The following EVC variants were observed in gnomAD, a reference collection of about 807,000 sequenced individuals.
EVC encodes evC complex member EVC.
A neutral mutation model predicts 118.9 loss-of-function variants in EVC; 116 were observed. The observed-to-expected ratio is 0.98, with a 90% CI of 0.84 to 1.14. The LOEUF is 1.14. EVC is among the 50% of genes most tolerant of loss of function. The probability of loss-of-function intolerance (pLI) is 0.00; values close to 1 mark genes in which losing one functional copy is unlikely to be tolerated. For synonymous variants in EVC, 619 were observed against 534.7 expected, an observed-to-expected ratio of 1.16 and a Z score of -2.18; for missense variants, 1,401 against 1,246.4, an observed-to-expected ratio of 1.12 and a Z score of -1.87.
intron 11 of EVC, among the ~76,000 whole-genome samples, chr4:5,758,536 G>A (rs1375611894): frequency 1.3e-5 from 2 of 152,174 alleles, no homozygotes; most frequent in Non-Finnish European, 2.9e-5. Flanking sequence ...AAGCCCTGGG[G>A]CCCACAGACA....
Position 5,738,179 on chromosome 4 carries a change from A to T in EVC, c.703-3537A>T, listed in dbSNP as rs1431359316. 6.6e-6 allele frequency among the ~76,000 whole-genome samples: 1 copy of T among 152,222 alleles called. No homozygotes were observed. The highest frequency in any genetic ancestry group is 2.4e-5 in the African/African-American group (1 of 41,458). The stretch of plus-strand genomic sequence containing the variant: ...AAACTAGGATTAGAATTGGAGCCTG[A>T]AGATGGGACTGAGCTGCTGCAATCT... On this transcript the variant is annotated intron_variant, in intron 5 of 20. Coordinates refer to ENST00000264956, the MANE Select transcript of EVC (RefSeq NM_153717.3). This position sits in a 1 kb window ranked among gnomAD's most constrained non-coding sequence, Gnocchi z 6.5.
At chr4:5,816,160 C>T (rs767788679), downstream of EVC, among the ~76,000 whole-genome samples, 9 of 152,090 alleles carry the variant, frequency 5.9e-5, no homozygotes, top group Non-Finnish European at 7.4e-5. Flanking sequence ...ACTGGGCTCC[C>T]GCTGATGGAC....
intron 11 of EVC, among the ~76,000 whole-genome samples, chr4:5,765,839 G>T (rs539741175): frequency 6.7e-6 from 1 of 150,364 alleles, no homozygotes; most frequent in Admixed American, 6.6e-5. Flanking sequence ...CACACTGATG[G>T]GTCTTGACTC....
At chr4:5,790,951 T>C (rs1008999895) in intron 12 of EVC, among the ~76,000 whole-genome samples, 1 of 151,810 alleles carries the variant, frequency 6.6e-6, no homozygotes, top group African/African-American at 2.4e-5. Flanking sequence ...AAACATTAAC[T>C]GGGCGTGGTG....
chr4:5,773,251 A>C (rs1734257577), intron 11 of EVC, among the ~76,000 whole-genome samples: 1 of 152,146 alleles, frequency 6.6e-6, no homozygotes, highest in African/African-American at 2.4e-5. Context: ...GCTGTGTAAC[A>C]AGACACCGGG....
chr4:5,771,529 G>T (rs1733959547), intron 11 of EVC, among the ~76,000 whole-genome samples: 1 of 152,222 alleles, frequency 6.6e-6, no homozygotes, highest in Admixed American at 6.5e-5. Flanking sequence ...AGGTTCCAGG[G>T]ATTGGGACGT....
chr4:5,825,838 G>C, the EVC span: 2 of 624,978 alleles, frequency 3.2e-6, no homozygotes, highest in East Asian at 3.1e-5. This position sits in a 1 kb window ranked among gnomAD's most constrained non-coding sequence, Gnocchi z 4.4. Context: ...GCCGCACACA[G>C]GCATTCATAC....
intron 11 of EVC, among the ~76,000 whole-genome samples, chr4:5,773,388 CT>C (rs1354325592): frequency 6.6e-6 from 1 of 152,130 alleles, no homozygotes; most frequent in East Asian, 1.9e-4. Context: ...CATCTTCCCC[CT>C]AAGACCTGTG....
At chr4:5,760,873 A>G (rs1336503335) in intron 11 of EVC, among the ~76,000 whole-genome samples, 1 of 152,152 alleles carries the variant, frequency 6.6e-6, no homozygotes, top group Non-Finnish European at 1.5e-5. Context: ...CTGTGTCAGC[A>G]TGTCTCCCAG....
chr4:5,721,071 G>A (rs62298622), intron 2 of EVC, among the ~76,000 whole-genome samples: 561 of 152,108 alleles, frequency 3.7e-3, no homozygotes, highest in Non-Finnish European at 5.9e-3. Context: ...GTGACAGTAC[G>A]TGAGCTTCAG....
chr4:5,778,683 G>T (rs1445681693), intron 11 of EVC, among the ~76,000 whole-genome samples: 2 of 151,992 alleles, frequency 1.3e-5, no homozygotes, highest in African/African-American at 4.8e-5. Context: ...TTTTTGATGG[G>T]GTTGTTTGTT....
the EVC span, among the ~76,000 whole-genome samples, chr4:5,820,041 C>T: frequency 6.6e-6 from 1 of 152,152 alleles, no homozygotes; most frequent in Admixed American, 6.6e-5. Context: ...TGGACTAGGG[C>T]CCAAAGTGCC....
At chr4:5,821,559 A>G in the EVC span, 1 of 583,680 alleles carries the variant, frequency 1.7e-6, no homozygotes, top group South Asian at 2.3e-5. This position sits in a 1 kb window ranked among gnomAD's most constrained non-coding sequence, Gnocchi z 4.4. Context: ...GCATGAACAC[A>G]ACTGTGGGGC....
At chr4:5,715,735 A>G (rs1577313404) in intron 1 of EVC, among the ~76,000 whole-genome samples, 2 of 98,360 alleles carry the variant, frequency 2.0e-5, no homozygotes, top group South Asian at 6.6e-4. Flanking sequence ...GCATTTTTCC[A>G]TTGTCTTTTT....
Position 5,756,302 on chromosome 4 carries a change from G to C in EVC, c.1503G>C (p.Gln501His). ...TCCTGGAGAGGCAGAGGCTGATGCA[G>C]TGTGACCTGGAGGAAGAGGAGAATG... Reference protein sequence around the residue: ...HEVLERQRLMQCDLEEEENVR... With the variant: ...HEVLERQRLMHCDLEEEENVR... The change falls in exon 11 of 21, where the codon CAG (glutamine) becomes CAC (histidine). Residue 501 changes from glutamine to histidine, a missense_variant. Physicochemically the swap from Gln to His is conservative, Grantham distance 24. Coordinates refer to ENST00000264956, the MANE Select transcript of EVC (RefSeq NM_153717.3). The surrounding 1 kb of genome is among the most constrained non-coding windows in gnomAD (Gnocchi z 4.2). 1.2e-6 allele frequency: 2 copies of C among 1,613,090 alleles called. No homozygotes were observed. The highest frequency in any genetic ancestry group is 1.7e-6 in the Non-Finnish European group (2 of 1,179,810).
chr4:5,765,447 C>T (rs1361020331), intron 11 of EVC, among the ~76,000 whole-genome samples: 1 of 113,776 alleles, frequency 8.8e-6, no homozygotes, highest in African/African-American at 3.5e-5. Flanking sequence ...AGTTCAATTC[C>T]TGGGTATCCT....
chr4:5,717,129 T>C (rs1724095059), intron 1 of EVC, among the ~76,000 whole-genome samples: 1 of 152,228 alleles, frequency 6.6e-6, no homozygotes, highest in African/African-American at 2.4e-5. Context: ...CTTCCAATCT[T>C]AGTCTTTCTC....
intron 12 of EVC, among the ~76,000 whole-genome samples, chr4:5,791,640 G>C (rs1003411222): frequency 6.6e-6 from 1 of 152,078 alleles, no homozygotes; most frequent in Non-Finnish European, 1.5e-5. Context: ...GGAGAGAAAA[G>C]AATAGCCCCT....
chr4:5,727,736 A>C (rs1024191795), intron 2 of EVC, among the ~76,000 whole-genome samples: 2 of 151,206 alleles, frequency 1.3e-5, no homozygotes, highest in African/African-American at 4.9e-5. Context: ...ATCCTTTTTG[A>C]ATTGATTTTT....
Sources: gnomAD v4.1 joint callset for allele counts (sites outside exome capture counted in the v4.1 genomes callset) on GRCh38, gnomAD v4.1.1 for gene constraint, Gnocchi (gnomAD v3.1) non-coding constraint, MANE v1.5 for transcripts, NCBI Gene and HGNC (gene_info 2026-07-23, HGNC 2026-07-21) for gene names.